The following CCDC148 variants were observed in gnomAD, a reference collection of about 807,000 sequenced individuals.
CCDC148 encodes the protein coiled-coil domain-containing protein 148.
A neutral mutation model predicts 85.7 loss-of-function variants in CCDC148; 89 were observed. The ratio of observed to expected loss-of-function variants is 1.04; its 90% CI spans 0.87 to 1.24. The LOEUF (loss-of-function observed/expected upper bound fraction) is 1.24. Ranked by LOEUF, CCDC148 falls within the 50% of genes most tolerant of loss-of-function variation. CCDC148 has a pLI of 0.00. For missense variants in CCDC148, 692 were observed against 671.7 expected (o/e 1.03, Z -0.33); for synonymous variants, 230 against 213.9 (o/e 1.08, Z -0.66).
At position 158,309,603 on chromosome 2, in the gene CCDC148, C is replaced by T; in HGVS notation, c.940G>A (p.Ala314Thr). The change falls in exon 9 of 14, where the codon GCT becomes ACT. Residue 314 changes from alanine (A) to threonine (T), a missense_variant. Transcript: ENST00000283233. ...HEKYCDQYRF[A>T]IEQQNILISN... ...ATCAGGATATTTTGCTGCTCTATAG[C>T]AAAGCGATATTGGTCACAATATTTC... 3 of 1,613,494 alleles carry T rather than the reference C, an allele frequency of 1.9e-6. No homozygotes were observed. Among genetic ancestry groups the T allele is most frequent in the Non-Finnish European group, 2.5e-6 (3 of 1,179,600 alleles).
chr2:158,189,877 A>G (rs945095863), intron 11 of CCDC148, among the ~76,000 whole-genome samples: 4 of 151,990 alleles, frequency 2.6e-5, no homozygotes, highest in Non-Finnish European at 5.9e-5. Flanking sequence ...AGAGTGCCTA[A>G]AACACAGAAG....
Position 158,444,950 on chromosome 2 carries a change from A to G in CCDC148, c.25+11465T>C, listed in dbSNP as rs1688100302. Reference sequence around the variant, plus strand: ...CAAAAAGTTAATGTAAAGTAGAAATAAGGAGTTCTTTCCTGATATAAACTC... The same window carrying G: ...CAAAAAGTTAATGTAAAGTAGAAATGAGGAGTTCTTTCCTGATATAAACTC... On this transcript the variant is annotated intron_variant, in intron 1 of 13. Coordinates refer to ENST00000283233, the MANE Select transcript of CCDC148 (RefSeq NM_138803.4). Among the ~76,000 whole-genome samples the G allele has an allele frequency of 2.0e-5, 3 of 152,186 alleles. 1 individual carries two copies. The South Asian group carries it at 6.2e-4, about 32-fold the overall frequency.
At chr2:158,414,579 T>TAA (rs11381898) in intron 1 of CCDC148, among the ~76,000 whole-genome samples, 89 of 149,846 alleles carry the variant, frequency 5.9e-4, no homozygotes, top group Non-Finnish European at 8.0e-4. Context: ...CTTAAAAGTA[T>TAA]AAAAAAAAAA....
intron 2 of CCDC148, 61 bp downstream of exon 2, chr2:158,358,388 A>G: frequency 1.3e-6 from 2 of 1,566,874 alleles, no homozygotes; most frequent in Non-Finnish European, 1.7e-6. Flanking sequence ...GACAATGTAA[A>G]TACTTTCCAG....
chr2:158,448,123 T>TA lies in CCDC148; in HGVS notation c.25+8291dup, dbSNP rs972317835. The stretch of plus-strand genomic sequence containing the variant: ...TGCAATTATTCCAGTAGTATTTCTT[T>TA]AAAAAAAATCCCTTTCACTATTGCT... On this transcript the variant is annotated intron_variant, in intron 1 of 13. Transcript: ENST00000283233. Among the ~76,000 whole-genome samples the TA allele has an allele frequency of 5.9e-5, 9 of 151,748 alleles. No homozygotes were observed. In the South Asian group the frequency reaches 8.3e-4, roughly 14 times the overall value.
At chr2:158,389,396 T>C (rs184949221) in intron 1 of CCDC148, among the ~76,000 whole-genome samples, 1 of 152,326 alleles carries the variant, frequency 6.6e-6, no homozygotes, top group East Asian at 1.9e-4. Flanking sequence ...GAAGTTTATG[T>C]ATGACAGAAT....
At chr2:158,422,941 C>A (rs1686876079) in intron 1 of CCDC148, among the ~76,000 whole-genome samples, 1 of 151,974 alleles carries the variant, frequency 6.6e-6, no homozygotes, top group African/African-American at 2.4e-5. Context: ...ACACCAATAA[C>A]AAACAGAGAG....
intron 11 of CCDC148, among the ~76,000 whole-genome samples, chr2:158,219,145 G>A (rs1521876): frequency 0.92 from 139,317 of 152,186 alleles, 64,909 homozygotes; most frequent in Non-Finnish European, 1. Flanking sequence ...TTTTAGGTTC[G>A]GAGTGAAATT....
intron 6 of CCDC148, 21 bp downstream of exon 6, chr2:158,338,966 AATT>A (rs1176946656): frequency 2.5e-6 from 4 of 1,603,284 alleles, no homozygotes; most frequent in Non-Finnish European, 3.4e-6. Context: ...TAAACACATA[AATT>A]ATTAGCCACA....
At chr2:158,404,161 C>T (rs1270015461) in intron 1 of CCDC148, among the ~76,000 whole-genome samples, 1 of 152,104 alleles carries the variant, frequency 6.6e-6, no homozygotes, top group Non-Finnish European at 1.5e-5. Context: ...TTATCATTGA[C>T]AGATCTCACA....
At chr2:158,199,737 T>C (rs915113115) in intron 11 of CCDC148, among the ~76,000 whole-genome samples, 9 of 152,288 alleles carry the variant, frequency 5.9e-5, no homozygotes, top group African/African-American at 1.9e-4. Flanking sequence ...ATGACAGTTA[T>C]TAGTAAAAAT....
At chr2:158,216,725 G>A (rs1012850234) in intron 11 of CCDC148, among the ~76,000 whole-genome samples, 11 of 152,080 alleles carry the variant, frequency 7.2e-5, no homozygotes, top group Non-Finnish European at 1.6e-4. Context: ...GTTAGGTTCT[G>A]GTGAGGGCTC....
intron 1 of CCDC148, among the ~76,000 whole-genome samples, chr2:158,395,267 G>A (rs974354286): frequency 3.9e-5 from 6 of 152,046 alleles, no homozygotes; most frequent in African/African-American, 1.2e-4. Flanking sequence ...AAACCTGCCC[G>A]TGGTACACAG....
intron 11 of CCDC148, among the ~76,000 whole-genome samples, chr2:158,198,082 T>C (rs1685768954): frequency 1.3e-5 from 2 of 152,184 alleles, no homozygotes; most frequent in Admixed American, 6.5e-5. Context: ...ACTTCAACTA[T>C]AGTAAATTAC....
chr2:158,376,012 C>T (rs944024225), intron 1 of CCDC148, among the ~76,000 whole-genome samples: 6 of 152,076 alleles, frequency 3.9e-5, no homozygotes, highest in Non-Finnish European at 7.4e-5. Context: ...TTCAGCCAAA[C>T]AAAATCCTCA....
rs146632810 is a variant in CCDC148, at chr2:158,439,901, T to C, written c.25+16514A>G. ...TTTTATACAAGGTATTTCTCTGTTG[T>C]GCAGGCTGGAGTGCAGTGGTGCAAT... On this transcript the variant is annotated intron_variant, in intron 1 of 13. Transcript: ENST00000283233. 4.9e-3 allele frequency among the ~76,000 whole-genome samples: 746 copies of C among 152,274 alleles called. 3 individuals carry two copies. The highest frequency in any genetic ancestry group is 0.017 in the African/African-American group (710 of 41,558).
intron 9 of CCDC148, among the ~76,000 whole-genome samples, chr2:158,288,242 C>A (rs1690726071): frequency 1.3e-5 from 2 of 152,228 alleles, no homozygotes; most frequent in Admixed American, 1.3e-4. Flanking sequence ...TGGAGACATT[C>A]TCCCCATTGT....
At chr2:158,453,277 AC>A (rs1384920165) in intron 1 of CCDC148, among the ~76,000 whole-genome samples, 2 of 152,196 alleles carry the variant, frequency 1.3e-5, no homozygotes, top group African/African-American at 4.8e-5. Flanking sequence ...GGAAGAACTC[AC>A]CCTCTCAAGA....
rs749049650 is a variant in CCDC148, at chr2:158,358,549, T to C, written c.47A>G (p.Lys16Arg). The change falls in exon 2 of 14, where the codon AAA becomes AGA. Residue 16 changes from lysine (K) to arginine (R), a missense_variant. Transcript: ENST00000283233. ...ASPDNLVFHM[K>R]NEMRNIKYKP... is the part of the protein sequence containing the mutation. ...GTACTTGATGTTTCTCATCTCATTTTTCATATGGAATACCAGATTATCTAT... is the reference window on the plus strand; with the variant it reads ...GTACTTGATGTTTCTCATCTCATTTCTCATATGGAATACCAGATTATCTAT... The C allele has an allele frequency of 1.2e-5, 19 of 1,586,564 alleles. No individual in the cohort carries two copies. The East Asian group carries it at 4.4e-4, about 36-fold the overall frequency.
Sources: allele counts gnomAD v4.1 joint callset (sites outside exome capture counted in the v4.1 genomes callset), GRCh38; gene constraint gnomAD v4.1.1; transcripts MANE v1.5; gene names NCBI Gene and HGNC (gene_info 2026-07-23, HGNC 2026-07-21).